Variants in ELOVL6 observed in about 807,000 individuals in gnomAD.
ELOVL6 encodes very long chain fatty acid elongase 6.
Under a neutral mutation model 31.7 loss-of-function variants are expected in ELOVL6, and 8 were observed. The ratio of observed to expected loss-of-function variants is 0.25; its 90% CI spans 0.15 to 0.45. The LOEUF (loss-of-function observed/expected upper bound fraction) is 0.45, where lower values mean the gene tolerates loss of function less well. ELOVL6 is among the 20% of genes least tolerant of loss of function. The pLI is 1.00. For missense variants in ELOVL6, 126 were observed against 326.4 expected (o/e 0.39, Z 4.73); for synonymous variants, 101 against 117.7 (o/e 0.86, Z 0.92).
At chr4:110,137,815 G>A (rs1165719558) in intron 1 of ELOVL6, among the ~76,000 whole-genome samples, 2 of 152,010 alleles carry the variant, frequency 1.3e-5, no homozygotes, top group Admixed American at 6.6e-5. Flanking sequence ...TAGCTTCATG[G>A]GCTCCCACTT....
chr4:110,086,760 T>G (rs2126237335), intron 2 of ELOVL6, among the ~76,000 whole-genome samples: 1 of 152,308 alleles, frequency 6.6e-6, no homozygotes, highest in Middle Eastern at 3.4e-3. Context: ...TTAGTATGTA[T>G]CCATTCATTG....
At position 110,055,689 on chromosome 4, in the gene ELOVL6, G is replaced by A. The variant is rs58997612; in HGVS notation, c.373+3914C>T. On this transcript the variant is annotated intron_variant, in intron 3 of 3. Coordinates refer to ENST00000302274, the MANE Select transcript of ELOVL6 (RefSeq NM_024090.3). The stretch of plus-strand genomic sequence containing the variant: ...ATACAGCTGAGTCCCTCTTCCCAGA[G>A]CTAGCTAGAGTGCTGCTGAGTCAGA... Among the ~76,000 whole-genome samples, 1,116 of 152,000 alleles carry A rather than the reference G, an allele frequency of 7.3e-3. 15 individuals carry two copies. Among genetic ancestry groups the A allele is most frequent in the African/African-American group, 0.026 (1,063 of 41,492 alleles).
intron 1 of ELOVL6, among the ~76,000 whole-genome samples, chr4:110,167,531 T>C (rs1186050010): frequency 6.6e-6 from 1 of 151,874 alleles, no homozygotes; most frequent in South Asian, 2.1e-4. Flanking sequence ...GGGAACATTA[T>C]AAATTTTATT....
At chr4:110,117,359 A>T (rs981410390) in intron 1 of ELOVL6, among the ~76,000 whole-genome samples, 1 of 152,190 alleles carries the variant, frequency 6.6e-6, no homozygotes, top group Non-Finnish European at 1.5e-5. Flanking sequence ...GATTGGGGTG[A>T]TACCACTTAT....
intron 2 of ELOVL6, among the ~76,000 whole-genome samples, chr4:110,083,303 G>C (rs778585077): frequency 6.6e-6 from 1 of 151,734 alleles, no homozygotes; most frequent in African/African-American, 2.4e-5. Flanking sequence ...CTTCTGACAT[G>C]AAAGAAGTCC....
intron 1 of ELOVL6, among the ~76,000 whole-genome samples, chr4:110,195,539 T>TA (rs1004459789): frequency 6.0e-5 from 9 of 150,962 alleles, no homozygotes; most frequent in South Asian, 2.1e-4. Context: ...ATCTGGCATT[T>TA]AAAAAAAAAC....
intron 2 of ELOVL6, among the ~76,000 whole-genome samples, chr4:110,094,423 A>G (rs1259680953): frequency 1.6e-5 from 1 of 62,598 alleles, no homozygotes; most frequent in African/African-American, 5.9e-5. Flanking sequence ...ATATATATAT[A>G]TATATATATA....
At chr4:110,171,091 G>A (rs1392452699) in intron 1 of ELOVL6, among the ~76,000 whole-genome samples, 2 of 152,178 alleles carry the variant, frequency 1.3e-5, no homozygotes, top group African/African-American at 2.4e-5. Flanking sequence ...GACAGGCCTT[G>A]CTGGGTTTCC....
chr4:110,198,430 C>A lies in ELOVL6; in HGVS notation c.-95G>T. On this transcript the variant is annotated 5_prime_UTR_variant, in exon 1 of 4. Transcript: ENST00000302274. ...CGAGTGTTCTCCTGTCTGCTTCCCC[C>A]ACCCACCCCCCTAGGTCTTCCCCAC... is the stretch of plus-strand genomic sequence containing the variant. The A allele has an allele frequency of 1.3e-6, 1 of 767,148 alleles. No homozygotes were observed. Among genetic ancestry groups the A allele is most frequent in the Admixed American group, 2.0e-5 (1 of 49,312 alleles). The allele number at this position is 767,148 out of a possible 1,614,324, so 47.5% of individuals were successfully genotyped here.
intron 3 of ELOVL6, among the ~76,000 whole-genome samples, chr4:110,059,248 T>C (rs766428612): frequency 6.6e-6 from 1 of 152,176 alleles, no homozygotes; most frequent in Non-Finnish European, 1.5e-5. Flanking sequence ...GACTTGGAAA[T>C]AGCTGTGTTG....
chr4:110,059,834 T>G (rs1755090887), intron 2 of ELOVL6, 80 bp from the exon 3 acceptor site: 1 of 1,334,494 alleles, frequency 7.5e-7, no homozygotes, highest in African/African-American at 1.5e-5. Context: ...AGAAGACTGG[T>G]TGGCCACTGG....
chr4:110,134,688 T>A (rs770326975), intron 1 of ELOVL6, among the ~76,000 whole-genome samples: 14 of 152,116 alleles, frequency 9.2e-5, no homozygotes, highest in Non-Finnish European at 1.6e-4. Context: ...GAACTGGGTG[T>A]GGTAGCTCAT....
At chr4:110,058,195 CTGAATGAA>C (rs577703610) in intron 3 of ELOVL6, among the ~76,000 whole-genome samples, 3 of 152,082 alleles carry the variant, frequency 2.0e-5, no homozygotes, top group African/African-American at 2.4e-5. Context: ...CATAAATGCA[CTGAATGAA>C]TGAATGAATG....
At chr4:110,171,950 C>A (rs192037745) in intron 1 of ELOVL6, among the ~76,000 whole-genome samples, 4 of 152,116 alleles carry the variant, frequency 2.6e-5, no homozygotes, top group African/African-American at 7.2e-5. Flanking sequence ...TTGGTCCCCA[C>A]GGTGCTGAGA....
intron 1 of ELOVL6, among the ~76,000 whole-genome samples, chr4:110,166,567 C>T (rs532993439): frequency 6.6e-6 from 1 of 152,104 alleles, no homozygotes; most frequent in African/African-American, 2.4e-5. Flanking sequence ...GAGCCGAGAT[C>T]GCGCCACTGC....
At chr4:110,178,410 C>T (rs1010561109) in intron 1 of ELOVL6, among the ~76,000 whole-genome samples, 4 of 151,942 alleles carry the variant, frequency 2.6e-5, no homozygotes, top group Admixed American at 6.6e-5. Flanking sequence ...AGTGTGGTGG[C>T]GCACGCCTAT....
chr4:110,198,977 C>T (rs1759909660), upstream of ELOVL6: 1 of 152,264 alleles, frequency 6.6e-6, no homozygotes, highest in Admixed American at 6.5e-5. Flanking sequence ...GAACTCCGGG[C>T]AAATCTACGT....
intron 1 of ELOVL6, among the ~76,000 whole-genome samples, chr4:110,132,539 T>C (rs1338690274): frequency 6.6e-6 from 1 of 151,826 alleles, no homozygotes; most frequent in African/African-American, 2.4e-5. Context: ...GAAGTGGCCT[T>C]TTAGAGGCTA....
In ELOVL6 at chr4:110,061,549, C is replaced by CTTTTT. The variant is rs57846282; in HGVS notation, c.222-1800_222-1796dup. ...CTGTCTTTCCCTCACCAAATGATGG[C>CTTTTT]TTTTTTTTTTTTTTTTTTTTTTTTT... On this transcript the variant is annotated intron_variant, in intron 2 of 3. Transcript: ENST00000302274. Among the ~76,000 whole-genome samples, 97 of 72,354 alleles carry CTTTTT rather than the reference C, an allele frequency of 1.3e-3. 10 individuals are homozygous for CTTTTT. Among genetic ancestry groups the CTTTTT allele is most frequent in the African/African-American group, 4.0e-3 (79 of 19,886 alleles). 47.5% of individuals were successfully genotyped at this position (72,354 alleles called of 152,430 possible).
Sources: allele counts gnomAD v4.1 joint callset (sites outside exome capture counted in the v4.1 genomes callset), GRCh38; gene constraint gnomAD v4.1.1; transcripts MANE v1.5; gene names NCBI Gene and HGNC (gene_info 2026-07-23, HGNC 2026-07-21).